The following KLHL13 variants were observed in gnomAD, a reference collection of about 807,000 sequenced individuals.
KLHL13 encodes the protein kelch-like protein 13.
In KLHL13, 10 loss-of-function variants were observed where a neutral mutation model predicts 37.1. The ratio of observed to expected loss-of-function variants is 0.27; its 90% CI spans 0.17 to 0.46. KLHL13 has a LOEUF of 0.46. Among genes scored for constraint, KLHL13 ranks in the 20% least tolerant of loss-of-function variants. The pLI, the probability that KLHL13 is intolerant of heterozygous loss-of-function variation, is 1.00. For missense variants in KLHL13, 360 were observed against 509.3 expected (o/e 0.71, Z 2.82); for synonymous variants, 163 against 181.2 (o/e 0.90, Z 0.81).
intron 4 of KLHL13, among the ~76,000 whole-genome samples, chrX:117,912,696 G>A (rs1031472003): frequency 9.0e-6 from 1 of 111,552 alleles, no homozygotes; most frequent in Admixed American, 9.5e-5. Flanking sequence ...ATAACCTTCC[G>A]AACTGTTATC....
At chrX:118,110,969 A>AGT (rs1382083769) in intron 1 of KLHL13, among the ~76,000 whole-genome samples, 7 of 112,336 alleles carry the variant, frequency 6.2e-5, no homozygotes, top group African/African-American at 2.3e-4. Flanking sequence ...CATGAGAACC[A>AGT]CACAGCCAGT....
chrX:117,917,213 C>T (rs1002012516), intron 4 of KLHL13, among the ~76,000 whole-genome samples: 1 of 111,306 alleles, frequency 9.0e-6, no homozygotes, highest in Non-Finnish European at 1.9e-5. Context: ...ACTCTAAAAC[C>T]ATACAGACAT....
At chrX:118,087,532 T>C (rs2055069000) in intron 1 of KLHL13, among the ~76,000 whole-genome samples, 1 of 110,827 alleles carries the variant, frequency 9.0e-6, no homozygotes, top group Non-Finnish European at 1.9e-5. Flanking sequence ...ATCCCGAGTA[T>C]ACTTTTTCAA....
At chrX:118,068,635 T>C (rs2054820345) in intron 1 of KLHL13, among the ~76,000 whole-genome samples, 1 of 111,069 alleles carries the variant, frequency 9.0e-6, no homozygotes, top group African/African-American at 3.3e-5. Flanking sequence ...CTGAGGGAGC[T>C]GCCTAGAGAC....
chrX:118,086,225 C>T (rs2055052938), intron 1 of KLHL13, among the ~76,000 whole-genome samples: 1 of 112,112 alleles, frequency 8.9e-6, no homozygotes, highest in African/African-American at 3.2e-5. Flanking sequence ...CGTGAGCCAC[C>T]ATGCCCGGAT....
chrX:117,905,385 TAAGTGAC>T (rs1177059371), intron 5 of KLHL13, among the ~76,000 whole-genome samples: 4 of 111,660 alleles, frequency 3.6e-5, no homozygotes, highest in African/African-American at 1.3e-4. Context: ...CTTTTACACT[TAAGTGAC>T]AGCTACTCTA....
At chrX:118,006,808 C>A (rs1218539487) in intron 1 of KLHL13, among the ~76,000 whole-genome samples, 1 of 111,903 alleles carries the variant, frequency 8.9e-6, no homozygotes, top group Non-Finnish European at 1.9e-5. Context: ...TCAAACTCCA[C>A]ACTCAGTATC....
At chrX:118,048,585 C>A (rs746260664) in intron 1 of KLHL13, among the ~76,000 whole-genome samples, 1 of 111,470 alleles carries the variant, frequency 9.0e-6, no homozygotes, top group African/African-American at 3.3e-5. Context: ...TTGGAATTTT[C>A]TAATAAAGAA....
chrX:117,936,462 G>T (rs773261005), intron 2 of KLHL13, among the ~76,000 whole-genome samples: 6 of 111,690 alleles, frequency 5.4e-5, no homozygotes, highest in African/African-American at 1.9e-4. Context: ...CACCTTATTC[G>T]GTATACCCAT....
intron 2 of KLHL13, among the ~76,000 whole-genome samples, chrX:117,943,826 T>C (rs776302714): frequency 1.8e-5 from 2 of 110,515 alleles, no homozygotes; most frequent in African/African-American, 3.3e-5. Flanking sequence ...AGCCTACTTC[T>C]GTCAGTTTGT....
intron 2 of KLHL13, among the ~76,000 whole-genome samples, chrX:117,929,394 A>G (rs1932264047): frequency 1.8e-5 from 2 of 111,422 alleles, no homozygotes; most frequent in Non-Finnish European, 3.8e-5. Context: ...ATCAAAATCC[A>G]TCGGGCACAA....
At chrX:117,998,442 G>T (rs1190213322) in intron 1 of KLHL13, among the ~76,000 whole-genome samples, 2 of 110,645 alleles carry the variant, frequency 1.8e-5, no homozygotes, top group African/African-American at 6.6e-5. Flanking sequence ...GGAAATTGGA[G>T]TAATGAGAAA....
intron 2 of KLHL13, among the ~76,000 whole-genome samples, chrX:117,944,160 A>G (rs1484582765): frequency 9.0e-6 from 1 of 110,909 alleles, no homozygotes. Context: ...GTGGGGGCTC[A>G]GTTGGAAATG....
At chrX:117,927,747 A>G (rs1932160072) in intron 2 of KLHL13, among the ~76,000 whole-genome samples, 1 of 112,226 alleles carries the variant, frequency 8.9e-6, no homozygotes, top group African/African-American at 3.2e-5. Context: ...CAGATCATAT[A>G]ATGTCATTTA....
At chrX:117,922,704 C>G (rs1457125404) in intron 2 of KLHL13, among the ~76,000 whole-genome samples, 1 of 111,723 alleles carries the variant, frequency 9.0e-6, no homozygotes, top group African/African-American at 3.3e-5. Context: ...GGGGAGAAAA[C>G]GTTGGCTCCC....
intron 1 of KLHL13, among the ~76,000 whole-genome samples, chrX:118,015,304 T>C (rs911200388): frequency 1.8e-5 from 2 of 111,830 alleles, no homozygotes; most frequent in African/African-American, 6.5e-5. Context: ...AGAGGCTATC[T>C]TATGTGATTA....
intron 2 of KLHL13, among the ~76,000 whole-genome samples, chrX:117,942,750 TACAGC>T (rs1223096008): frequency 2.7e-5 from 3 of 111,438 alleles, no homozygotes; most frequent in African/African-American, 9.8e-5. Context: ...GTCTCCTGAA[TACAGC>T]ACACCGATGG....
exon 1 of KLHL13, chrX:118,116,755 G>A (rs923263908): frequency 9.2e-6 from 1 of 108,919 alleles, no homozygotes; most frequent in Non-Finnish European, 1.9e-5. Flanking sequence ...CCAGGAATAG[G>A]AGCTGAGCTA....
chrX:118,031,948 T>C (rs2054355548), intron 1 of KLHL13, among the ~76,000 whole-genome samples: 1 of 109,535 alleles, frequency 9.1e-6, no homozygotes, highest in Non-Finnish European at 1.9e-5. Context: ...GGGGTCAGGG[T>C]GTTCCCTTTC....
Sources: allele counts gnomAD v4.1 joint callset (sites outside exome capture counted in the v4.1 genomes callset), GRCh38; gene constraint gnomAD v4.1.1; transcripts MANE v1.5; gene names NCBI Gene and HGNC (gene_info 2026-07-23, HGNC 2026-07-21).